ESRRG: variants seen among roughly 807,000 people sequenced by gnomAD.
The protein encoded by ESRRG is estrogen related receptor gamma.
In ESRRG, 13 loss-of-function variants were observed where a neutral mutation model predicts 44.0. The observed-to-expected ratio is 0.30, with a 90% CI of 0.19 to 0.47. The LOEUF is 0.47. Ranked by LOEUF, ESRRG falls within the 20% of genes least tolerant of loss-of-function variation. The pLI is 1.00. For synonymous variants in ESRRG, 215 were observed against 214.6 expected, an observed-to-expected ratio of 1.00 and a Z score of -0.02; for missense variants, 395 against 580.6, an observed-to-expected ratio of 0.68 and a Z score of 3.29.
intron 5 of ESRRG, among the ~76,000 whole-genome samples, chr1:216,519,926 TTAA>T (rs2045590383): frequency 6.6e-6 from 1 of 151,984 alleles, no homozygotes; most frequent in Non-Finnish European, 1.5e-5. Flanking sequence ...CTGTATAATA[TTAA>T]TAATTACAAG....
At chr1:216,981,663 C>G (rs940825970) in intron 1 of ESRRG, among the ~76,000 whole-genome samples, 1 of 151,618 alleles carries the variant, frequency 6.6e-6, no homozygotes, top group Non-Finnish European at 1.5e-5. Context: ...TTTTTACTAC[C>G]CATATAATCT....
At chr1:216,954,649 A>G (rs1458334063) in intron 1 of ESRRG, among the ~76,000 whole-genome samples, 1 of 152,186 alleles carries the variant, frequency 6.6e-6, no homozygotes, top group Non-Finnish European at 1.5e-5. Context: ...TGATTACCTA[A>G]TCAGGTTCTA....
At chr1:217,070,840 C>G (rs756898147) in intron 1 of ESRRG, among the ~76,000 whole-genome samples, 1 of 152,148 alleles carries the variant, frequency 6.6e-6, no homozygotes, top group Non-Finnish European at 1.5e-5. Flanking sequence ...TCACTTGATT[C>G]GAAGGTAAAA....
intron 5 of ESRRG, among the ~76,000 whole-genome samples, chr1:216,529,463 G>A (rs189357563): frequency 6.6e-6 from 1 of 152,198 alleles, no homozygotes; most frequent in East Asian, 1.9e-4. Context: ...TGCTTTTTAA[G>A]TCATGCAAAG....
At position 216,677,201 on chromosome 1, in the gene ESRRG, C is replaced by T; in HGVS notation, c.347G>A (p.Cys116Tyr). The T allele has an allele frequency of 1.2e-6, 2 of 1,614,202 alleles. No homozygotes were observed. Among genetic ancestry groups the T allele is most frequent in the South Asian group, 2.2e-5 (2 of 91,086 alleles). ...STIVEDPQTKCEYMLNSMPKR... is the reference protein window; with the variant it reads ...STIVEDPQTKYEYMLNSMPKR... Reference sequence around the variant, plus strand: ...GGGCATCGAGTTGAGCATGTATTCACACTTGGTCTGGGGATCTTCAACAAT... The same window carrying T: ...GGGCATCGAGTTGAGCATGTATTCATACTTGGTCTGGGGATCTTCAACAAT... Residue 116 changes from cysteine (C) to tyrosine (Y), a missense_variant, in exon 2 of 7, where the codon TGT (cysteine) becomes TAT (tyrosine). By Grantham distance (194) the Cys-to-Tyr change is radical (BLOSUM62 -2). This residue lies in a region of ESRRG where 148 missense variants were observed against 150.4 expected (regional missense o/e 0.98). Coordinates refer to ENST00000408911, the MANE Select transcript of ESRRG (RefSeq NM_001438.4).
At position 216,996,962 on chromosome 1, in the gene ESRRG, T is replaced by C. The variant is rs190171176; in HGVS notation, c.-105-57289A>G. Among the ~76,000 whole-genome samples, 72 of 152,108 alleles carry C rather than the reference T, an allele frequency of 4.7e-4. 1 individual carries two copies. Among genetic ancestry groups the C allele is most frequent in the Admixed American group, 4.1e-3 (62 of 15,286 alleles). On this transcript the variant is annotated intron_variant, in intron 1 of 7. Coordinates refer to the ESRRG transcript ENST00000359162. ...CATAATCTGTGAAAAAAAATCAAAA[T>C]CAAAAGTAATAGTATGTCTTGGCCA... is the stretch of plus-strand genomic sequence containing the variant.
At chr1:217,082,428 GGTTC>G (rs754359667) in intron 1 of ESRRG, among the ~76,000 whole-genome samples, 10 of 152,124 alleles carry the variant, frequency 6.6e-5, no homozygotes, top group Non-Finnish European at 1.2e-4. Context: ...TAATTATAAA[GGTTC>G]AAAGAGTTAA....
intron 3 of ESRRG, among the ~76,000 whole-genome samples, chr1:216,644,752 G>A (rs953793372): frequency 2.6e-5 from 4 of 151,932 alleles, no homozygotes; most frequent in Admixed American, 2.0e-4. Context: ...ATACTTTAAA[G>A]AGATCAAATC....
intron 2 of ESRRG, among the ~76,000 whole-genome samples, chr1:216,920,703 T>C (rs1204918431): frequency 6.6e-6 from 1 of 152,138 alleles, no homozygotes; most frequent in Non-Finnish European, 1.5e-5. Context: ...TTTCACTTAT[T>C]ACACTGCTGC....
intron 2 of ESRRG, among the ~76,000 whole-genome samples, chr1:216,915,290 T>G (rs1228637997): frequency 6.6e-6 from 1 of 152,152 alleles, no homozygotes; most frequent in Non-Finnish European, 1.5e-5. Flanking sequence ...CTGCTCTGCA[T>G]CTGAAAGGAT....
At chr1:217,039,659 G>C (rs2083493088) in intron 1 of ESRRG, among the ~76,000 whole-genome samples, 1 of 152,098 alleles carries the variant, frequency 6.6e-6, no homozygotes, top group South Asian at 2.1e-4. Context: ...ATAAGATTTG[G>C]GTGAGTACGC....
chr1:216,567,345 C>A (rs1454894829), intron 4 of ESRRG, among the ~76,000 whole-genome samples: 1 of 152,100 alleles, frequency 6.6e-6, no homozygotes, highest in African/African-American at 2.4e-5. Context: ...AGCAATGTAC[C>A]AGTCATCCTT....
chr1:216,702,669 CGA>C (rs1461876079), intron 1 of ESRRG, among the ~76,000 whole-genome samples: 2 of 149,284 alleles, frequency 1.3e-5, no homozygotes, highest in East Asian at 2.0e-4. Flanking sequence ...CCCAGCTACT[CGA>C]GAAGCTGAGG....
At chr1:217,107,513 G>A (rs1301923495) in intron 1 of ESRRG, among the ~76,000 whole-genome samples, 1 of 152,206 alleles carries the variant, frequency 6.6e-6, no homozygotes, top group Admixed American at 6.5e-5. Flanking sequence ...AGTTTGTGAA[G>A]TTTGTTTTAT....
chr1:217,028,549 T>A (rs1171304350), intron 1 of ESRRG, among the ~76,000 whole-genome samples: 2 of 152,012 alleles, frequency 1.3e-5, no homozygotes, highest in African/African-American at 4.8e-5. Context: ...AGGAGAGGGG[T>A]GAGAGAAATT....
chr1:216,700,041 G>T (rs1165619563), intron 1 of ESRRG, among the ~76,000 whole-genome samples: 4 of 151,872 alleles, frequency 2.6e-5, no homozygotes, highest in African/African-American at 4.8e-5. Flanking sequence ...ATCAGTCATC[G>T]TTGGTCCAGA....
At chr1:216,994,295 G>A (rs369413499) in intron 1 of ESRRG, among the ~76,000 whole-genome samples, 14 of 152,312 alleles carry the variant, frequency 9.2e-5, no homozygotes, top group African/African-American at 3.4e-4. Context: ...TGGAAGATGA[G>A]TTAGTAGCTC....
In ESRRG at chr1:216,504,161, T is replaced by C. The variant is rs1029986318; in HGVS notation, c.*2778A>G. ...TTGGCTCTTACTTCTGAAGCCCAAG[T>C]ACTTTAATGTGATACAGTGAAAACA... On this transcript the variant is annotated 3_prime_UTR_variant, in exon 7 of 7. Coordinates refer to ENST00000408911, the MANE Select transcript of ESRRG (RefSeq NM_001438.4). 6.6e-6 allele frequency: 1 copy of C among 152,480 alleles called. No homozygotes were observed. The highest frequency in any genetic ancestry group is 2.4e-5 in the African/African-American group (1 of 41,454). The allele number at this position is 152,480 out of a possible 1,614,324, so 9.4% of individuals were successfully genotyped here. A position where few individuals can be genotyped will look rare whatever the true frequency, so the allele number is the denominator to read the frequency against.
At chr1:216,809,009 G>C (rs1358771038) in intron 2 of ESRRG, among the ~76,000 whole-genome samples, 1 of 152,072 alleles carries the variant, frequency 6.6e-6, no homozygotes, top group Non-Finnish European at 1.5e-5. Flanking sequence ...GTCACTATTA[G>C]TTGCCAGGCA....
Sources: gnomAD v4.1 joint callset for allele counts (sites outside exome capture counted in the v4.1 genomes callset) on GRCh38, gnomAD v4.1.1 for gene constraint, gnomAD v4.1.1 regional missense constraint, MANE v1.5 for transcripts, NCBI Gene and HGNC (gene_info 2026-07-23, HGNC 2026-07-21) for gene names.